MID1: variants seen among roughly 807,000 people sequenced by gnomAD.
The protein encoded by MID1 is midline 1.
In MID1, 7 loss-of-function variants were observed where a neutral mutation model predicts 40.4. The observed-to-expected ratio is 0.17, with a 90% CI of 0.10 to 0.33. MID1 has a LOEUF of 0.33. Among genes scored for constraint, MID1 ranks in the 10% least tolerant of loss-of-function variants. MID1 has a pLI of 1.00. For missense variants in MID1, 367 were observed against 558.5 expected (o/e 0.66, Z 3.46); for synonymous variants, 229 against 221.2 (o/e 1.04, Z -0.31).
At chrX:10,642,967 A>T (rs1402171474) in intron 1 of MID1, among the ~76,000 whole-genome samples, 1 of 111,932 alleles carries the variant, frequency 8.9e-6, no homozygotes, top group Non-Finnish European at 1.9e-5. Context: ...CCATATGTAG[A>T]AAGCTGAAAC....
chrX:10,614,246 C>A (rs61676957), intron 1 of MID1, among the ~76,000 whole-genome samples: 1 of 111,884 alleles, frequency 8.9e-6, no homozygotes, highest in Non-Finnish European at 1.9e-5. Flanking sequence ...AGCATACTTA[C>A]AAACAACCCA....
intron 1 of MID1, among the ~76,000 whole-genome samples, chrX:10,692,505 T>C (rs2043138003): frequency 1.8e-5 from 2 of 110,626 alleles, no homozygotes; most frequent in Admixed American, 1.9e-4. Context: ...TAATCCCAGC[T>C]ACTTGGGAGA....
At chrX:10,586,418 C>G (rs1249862925) in intron 1 of MID1, among the ~76,000 whole-genome samples, 1 of 111,586 alleles carries the variant, frequency 9.0e-6, no homozygotes, top group Non-Finnish European at 1.9e-5. Context: ...ACGTACAGCT[C>G]TCGGTCTACT....
intron 1 of MID1, among the ~76,000 whole-genome samples, chrX:10,609,301 A>G (rs895613657): frequency 8.9e-5 from 10 of 111,884 alleles, no homozygotes; most frequent in African/African-American, 2.9e-4. Flanking sequence ...AGAGGGTAAG[A>G]GGTAGAAATG....
At chrX:10,613,407 C>T (rs920958873) in intron 1 of MID1, among the ~76,000 whole-genome samples, 1 of 109,535 alleles carries the variant, frequency 9.1e-6, no homozygotes, top group African/African-American at 3.3e-5. Context: ...CCACCATCTA[C>T]ATGGAGAAGG....
rs146213429 is a variant in MID1, at chrX:10,601,724, T to C, written c.-57+18566A>G. The stretch of plus-strand genomic sequence containing the variant: ...CCCTTGTCACATATGCACACAGACA[T>C]ATACATACACACACACGTACGTGTG... On this transcript the variant is annotated intron_variant, in intron 1 of 9. Transcript: ENST00000317552. Among the ~76,000 whole-genome samples the C allele has an allele frequency of 7.6e-3, 848 of 111,150 alleles. 5 individuals are homozygous for C. Among genetic ancestry groups the C allele is most frequent in the Non-Finnish European group, 0.012 (657 of 53,044 alleles).
chrX:10,459,911 G>C, intron 7 of MID1, 104 bp from the exon 8 acceptor site: 1 of 884,507 alleles, frequency 1.1e-6, no homozygotes. Context: ...GAGTTGGTAA[G>C]TGAAGTGCTT....
chrX:10,793,639 C>T (rs2043948686), intron 1 of MID1, among the ~76,000 whole-genome samples: 2 of 111,993 alleles, frequency 1.8e-5, no homozygotes, highest in African/African-American at 6.5e-5. Flanking sequence ...GCTCCTAACC[C>T]CTGTTTAGAA....
chrX:10,502,443 A>T (rs1418608512), intron 3 of MID1, among the ~76,000 whole-genome samples: 1 of 111,793 alleles, frequency 8.9e-6, no homozygotes, highest in East Asian at 2.8e-4. Context: ...TGGAGACAGG[A>T]TATTCTATTT....
chrX:10,675,093 A>T (rs1457701294), intron 1 of MID1, among the ~76,000 whole-genome samples: 6 of 112,318 alleles, frequency 5.3e-5, no homozygotes, highest in Non-Finnish European at 5.6e-5. Context: ...TAATAAGCAC[A>T]TCATCTTAAG....
intron 2 of MID1, among the ~76,000 whole-genome samples, chrX:10,566,262 G>T (rs979442805): frequency 2.7e-5 from 3 of 111,573 alleles, no homozygotes; most frequent in Non-Finnish European, 5.6e-5. Flanking sequence ...GAATTCTTTC[G>T]TGAAACCTGA....
At position 10,478,394 on chromosome X, in the gene MID1, A is replaced by G. The variant is rs765019904; in HGVS notation, c.1014-3644T>C. On this transcript the variant is annotated intron_variant, in intron 5 of 9. Transcript: ENST00000317552. ...CAGAAACTAGGCTAATGTTTTTACT[A>G]CATTATTGCATTTTATCCCCACAAT... Among the ~76,000 whole-genome samples the G allele has an allele frequency of 1.6e-3, 183 of 112,141 alleles. 2 individuals carry two copies. Among genetic ancestry groups the G allele is most frequent in the Non-Finnish European group, 2.9e-3 (154 of 53,234 alleles).
intron 1 of MID1, among the ~76,000 whole-genome samples, chrX:10,666,782 A>G (rs2042953779): frequency 9.0e-6 from 1 of 111,597 alleles, no homozygotes; most frequent in African/African-American, 3.3e-5. Context: ...GAGATAATTT[A>G]ATTACGGTCC....
intron 1 of MID1, among the ~76,000 whole-genome samples, chrX:10,718,628 G>A (rs767198882): frequency 4.5e-4 from 50 of 111,617 alleles, no homozygotes; most frequent in African/African-American, 1.4e-3. Context: ...ACAAGGAGGA[G>A]CTAGTACCAT....
chrX:10,751,545 C>T (rs1339392654), intron 1 of MID1, among the ~76,000 whole-genome samples: 2 of 110,782 alleles, frequency 1.8e-5, no homozygotes, highest in Admixed American at 1.9e-4. Flanking sequence ...ATGGGAGGAT[C>T]GCTTGAGCCC....
chrX:10,643,906 C>T (rs1379248974), intron 1 of MID1, among the ~76,000 whole-genome samples: 2 of 110,221 alleles, frequency 1.8e-5, no homozygotes, highest in Non-Finnish European at 3.8e-5. Flanking sequence ...ATCACAAGGA[C>T]AGAAAACCAA....
At position 10,600,687 on chromosome X, in the gene MID1, A is replaced by T. The variant is rs73632645; in HGVS notation, c.-57+19603T>A. ...ACCAACTGTTGCTTCCTGCTTCTGA[A>T]CATCAGGGACTTTAAATTCCAGATT... On this transcript the variant is annotated intron_variant, in intron 1 of 9. Transcript: ENST00000317552. 6.1e-3 allele frequency among the ~76,000 whole-genome samples: 687 copies of T among 112,078 alleles called. 3 individuals are homozygous for T. Among genetic ancestry groups the T allele is most frequent in the African/African-American group, 0.021 (655 of 30,834 alleles).
At chrX:10,518,099 C>T (rs1932540675) in intron 3 of MID1, among the ~76,000 whole-genome samples, 1 of 111,964 alleles carries the variant, frequency 8.9e-6, no homozygotes, top group Admixed American at 9.5e-5. Flanking sequence ...TACATCCCCT[C>T]CCAGAAATAT....
At chrX:10,561,974 T>C (rs1198588489) in intron 2 of MID1, among the ~76,000 whole-genome samples, 3 of 107,176 alleles carry the variant, frequency 2.8e-5, no homozygotes, top group Non-Finnish European at 5.7e-5. Flanking sequence ...CCAACCCAAA[T>C]GCCCACCAAT....
Sources: allele counts gnomAD v4.1 joint callset (sites outside exome capture counted in the v4.1 genomes callset), GRCh38; gene constraint gnomAD v4.1.1; transcripts MANE v1.5; gene names NCBI Gene and HGNC (gene_info 2026-07-23, HGNC 2026-07-21).